Variants in COCH observed in about 807,000 individuals in gnomAD.
COCH encodes cochlin, also known as coagulation factor C homolog, cochlin (Limulus polyphemus).
A neutral mutation model predicts 54.8 loss-of-function variants in COCH; 40 were observed. The observed-to-expected ratio is 0.73, with a 90% CI of 0.57 to 0.95. The LOEUF is 0.95. Ranked by LOEUF, COCH falls within the 40% of genes least tolerant of loss-of-function variation. COCH has a pLI of 0.00. For missense variants in COCH, 605 were observed against 675.0 expected (o/e 0.90, Z 1.15); for synonymous variants, 256 against 237.9 (o/e 1.08, Z -0.70).
At chr14:30,882,567 T>C (rs1895651742) in intron 8 of COCH, among the ~76,000 whole-genome samples, 1 of 152,200 alleles carries the variant, frequency 6.6e-6, no homozygotes, top group Non-Finnish European at 1.5e-5. Context: ...TCAAAAATAT[T>C]TCATAATATT....
intron 11 of COCH, among the ~76,000 whole-genome samples, chr14:30,888,566 G>C (rs1357763142): frequency 6.6e-6 from 1 of 152,054 alleles, no homozygotes; most frequent in East Asian, 1.9e-4. Context: ...TGGATCGCTT[G>C]AGCCCTGGAG....
intron 8 of COCH, chr14:30,884,347 T>C (rs140687848): frequency 1.1e-5 from 6 of 556,626 alleles, no homozygotes; most frequent in Non-Finnish European, 1.9e-5. Context: ...ATATAATAAA[T>C]CCTCAATATG....
Position 30,886,289 on chromosome 14 carries a change from C to T in COCH, c.1454C>T (p.Pro485Leu). The T allele has an allele frequency of 6.2e-7, 1 of 1,614,156 alleles. No individual in the cohort carries two copies. The highest frequency in any genetic ancestry group is 1.3e-5 in the African/African-American group (1 of 75,050). Residue 485 changes from proline to leucine, a missense_variant, in exon 11 of 12, where the codon CCT becomes CTT. Transcript: ENST00000396618. Reference protein sequence around the residue: ...DGQSYDDVQGPAAAAHDAGIT... With the variant: ...DGQSYDDVQGLAAAAHDAGIT... ...CAGTCCTATGATGATGTCCAAGGCC[C>T]TGCAGCTGCTGCACATGATGCAGGT...
chr14:30,889,288 G>A (rs775387002), intron 11 of COCH: 7 of 308,984 alleles, frequency 2.3e-5, no homozygotes, highest in Admixed American at 1.9e-4. Flanking sequence ...CTGTGGATCA[G>A]GTTAAAAGTC....
chr14:30,882,287 G>A (rs1034925480), intron 8 of COCH, among the ~76,000 whole-genome samples: 4 of 151,362 alleles, frequency 2.6e-5, no homozygotes, highest in East Asian at 3.9e-4. Flanking sequence ...GCACTACTAC[G>A]CCTGGCTAAT....
Position 30,885,628 on chromosome 14 carries a change from G to T in COCH, c.960+8G>T, listed in dbSNP as rs766266455. ...GTCACATTTGTTGACAAGGTAAAGT[G>T]GTGAGGGTTATCTTCTGTTACAGTG... On this transcript the variant is annotated splice_region_variant and intron_variant, in intron 10 of 11. Transcript: ENST00000396618. 16 of 1,559,026 alleles carry T rather than the reference G, an allele frequency of 1.0e-5. No homozygotes were observed. Among genetic ancestry groups the T allele is most frequent in the Middle Eastern group, 1.7e-4 (1 of 5,994 alleles).
intron 3 of COCH, chr14:30,875,496 G>A (rs1468485705): frequency 3.9e-6 from 2 of 516,682 alleles, no homozygotes; most frequent in Non-Finnish European, 6.7e-6. Flanking sequence ...TGGAGGAGAA[G>A]CCGCCCAGAC....
intron 3 of COCH, chr14:30,875,594 A>C (rs1010263049): frequency 7.2e-6 from 3 of 414,796 alleles, no homozygotes; most frequent in Non-Finnish European, 1.3e-5. Context: ...TTCTAGGTGT[A>C]ACCCCTATAA....
At chr14:30,879,314 A>G in intron 5 of COCH, 109 bp from the exon 6 acceptor site, 2 of 1,120,340 alleles carry the variant, frequency 1.8e-6, no homozygotes, top group Admixed American at 2.0e-5. Context: ...TGTAACTACA[A>G]TCACCATTAC....
At chr14:30,888,161 G>A (rs1895855599) in intron 11 of COCH, among the ~76,000 whole-genome samples, 1 of 151,838 alleles carries the variant, frequency 6.6e-6, no homozygotes, top group Non-Finnish European at 1.5e-5. Flanking sequence ...TTATATGCTG[G>A]GCTTGAGCTA....
Position 30,885,975 on chromosome 14 carries a change from TAGC to T in COCH, c.1142_1144del (p.Ser381del). 6.2e-7 allele frequency: 1 copy of T among 1,614,208 alleles called. No homozygotes were observed. Among genetic ancestry groups the T allele is most frequent in the Non-Finnish European group, 8.5e-7 (1 of 1,180,032 alleles). On this transcript the variant is annotated inframe_deletion, in exon 11 of 12. Transcript: ENST00000396618. Reference sequence around the variant, plus strand: ...TTGATGGCTCCAGCAGTGTTGGAGATAGCAATTTCCGCCTCATGCTTGAATTTG... The same window carrying T: ...TTGATGGCTCCAGCAGTGTTGGAGATAATTTCCGCCTCATGCTTGAATTTG...
chr14:30,893,259 G>A (rs1347161385), downstream of COCH, among the ~76,000 whole-genome samples: 1 of 147,602 alleles, frequency 6.8e-6, no homozygotes, highest in Non-Finnish European at 1.5e-5. Flanking sequence ...TCACACCTCA[G>A]CCTCAGCCTC....
chr14:30,875,873 C>G (rs930948372), intron 3 of COCH: 1 of 152,324 alleles, frequency 6.6e-6, no homozygotes, highest in Admixed American at 6.5e-5. Flanking sequence ...CCGCCCCCAT[C>G]TCAGCGGAAA....
chr14:30,878,017 C>T lies in COCH; in HGVS notation c.239+289C>T, dbSNP rs577971143. The stretch of plus-strand genomic sequence containing the variant: ...TTACTGAGTTATTACTATGTGCCAC[C>T]TATTGTTTTAACTTCCACCACAACT... On this transcript the variant is annotated intron_variant, in intron 4 of 11. Coordinates refer to ENST00000396618, the MANE Select transcript of COCH (RefSeq NM_004086.3). Among the ~76,000 whole-genome samples the T allele has an allele frequency of 4.6e-5, 7 of 152,282 alleles. No individual in the cohort carries two copies. In the East Asian group the frequency reaches 1.2e-3, roughly 25 times the overall value.
At chr14:30,894,960 A>T, downstream of COCH, 3 of 1,067,842 alleles carry the variant, frequency 2.8e-6, no homozygotes, top group Non-Finnish European at 3.5e-6. Context: ...GATAAACAGA[A>T]GATCACTAAG....
chr14:30,874,565 G>C lies in COCH; in HGVS notation c.-50G>C. The C allele has an allele frequency of 4.9e-6, 2 of 411,990 alleles. No homozygotes were observed. The highest frequency in any genetic ancestry group is 2.5e-5 in the South Asian group (1 of 40,102). The allele number at this position is 411,990 out of a possible 1,614,324, so 25.5% of individuals were successfully genotyped here. A position where few individuals can be genotyped will look rare whatever the true frequency, so the allele number is the denominator to read the frequency against. On this transcript the variant is annotated 5_prime_UTR_variant, in exon 1 of 12. Coordinates refer to ENST00000396618, the MANE Select transcript of COCH (RefSeq NM_004086.3). Reference sequence around the variant, plus strand: ...CGCGGGGGCCTTGCCTTCCGCACTCGGGCGCAGCCGGGTGGATCTCGAGCA... The same window carrying C: ...CGCGGGGGCCTTGCCTTCCGCACTCCGGCGCAGCCGGGTGGATCTCGAGCA...
At position 30,880,573 on chromosome 14, in the gene COCH, T is replaced by C. The variant is rs1212985224; in HGVS notation, c.482-14T>C. ...TGAGACTGCTAATGAGGGGACTGGTTTGGTTGTTCGCAGATTGTAAAGCAG... is the reference window on the plus strand; with the variant it reads ...TGAGACTGCTAATGAGGGGACTGGTCTGGTTGTTCGCAGATTGTAAAGCAG... On this transcript the variant is annotated splice_polypyrimidine_tract_variant and intron_variant, in intron 7 of 11. Coordinates refer to ENST00000396618, the MANE Select transcript of COCH (RefSeq NM_004086.3). 2 of 1,614,130 alleles carry C rather than the reference T, an allele frequency of 1.2e-6. No individual in the cohort carries two copies. Among genetic ancestry groups the C allele is most frequent in the Admixed American group, 3.3e-5 (2 of 60,018 alleles).
At chr14:30,893,159 T>A (rs994511825), downstream of COCH, among the ~76,000 whole-genome samples, 70 of 136,894 alleles carry the variant, frequency 5.1e-4, no homozygotes, top group Non-Finnish European at 1.0e-3. Context: ...ATTTTTTTTT[T>A]TTTTTTTTTT....
In COCH at chr14:30,882,518, T is replaced by TC. The variant is rs557502191; in HGVS notation, c.629+1784_629+1785insC. Reference sequence around the variant, plus strand: ...GCCCTGCATCCTGTTTTTTTCATCCTTTAGTATTTTTAGCATTTTCTCATA... The same window carrying TC: ...GCCCTGCATCCTGTTTTTTTCATCCTCTTAGTATTTTTAGCATTTTCTCATA... On this transcript the variant is annotated intron_variant, in intron 8 of 11. Coordinates refer to ENST00000396618, the MANE Select transcript of COCH (RefSeq NM_004086.3). Among the ~76,000 whole-genome samples the TC allele has an allele frequency of 1.9e-4, 29 of 151,712 alleles. No individual in the cohort carries two copies. The East Asian group carries it at 5.0e-3, about 26-fold the overall frequency.
Sources: allele counts gnomAD v4.1 joint callset (sites outside exome capture counted in the v4.1 genomes callset), GRCh38; gene constraint gnomAD v4.1.1; transcripts MANE v1.5; gene names NCBI Gene and HGNC (gene_info 2026-07-23, HGNC 2026-07-21).